The following SNUPN variants were observed in gnomAD, a reference collection of about 807,000 sequenced individuals.
SNUPN encodes snurportin 1, also known as snurportin-1.
A neutral mutation model predicts 39.2 loss-of-function variants in SNUPN; 31 were observed. The observed-to-expected ratio is 0.79, with a 90% CI of 0.59 to 1.07. The LOEUF (loss-of-function observed/expected upper bound fraction) is 1.07, where lower values mean the gene tolerates loss of function less well. SNUPN is among the 50% of genes least tolerant of loss of function. The pLI is 0.00. For missense variants in SNUPN, 382 were observed against 434.2 expected (o/e 0.88, Z 1.07); for synonymous variants, 132 against 159.0 (o/e 0.83, Z 1.28).
chr15:75,616,853 C>T (rs1191888540), intron 3 of SNUPN, among the ~76,000 whole-genome samples: 1 of 152,206 alleles, frequency 6.6e-6, no homozygotes, highest in Non-Finnish European at 1.5e-5. Flanking sequence ...TGCTTCATGG[C>T]CTGAACCTCA....
Position 75,598,320 on chromosome 15 carries a change from AG to A in SNUPN, c.*37del, listed in dbSNP as rs776684425. The A allele has an allele frequency of 6.5e-7, 1 of 1,537,868 alleles. No homozygotes were observed. Among genetic ancestry groups the A allele is most frequent in the Non-Finnish European group, 8.9e-7 (1 of 1,127,798 alleles). ...CCTCTCCAGGATTCCTTTTGGGGCC[AG>A]GTACCATCCTGTGGCTCCTTAAGGA... On this transcript the variant is annotated 3_prime_UTR_variant, in exon 9 of 9. Coordinates refer to ENST00000308588, the MANE Select transcript of SNUPN (RefSeq NM_005701.4).
intron 6 of SNUPN, among the ~76,000 whole-genome samples, chr15:75,606,030 A>G (rs1009041878): frequency 1.3e-5 from 2 of 152,230 alleles, no homozygotes; most frequent in South Asian, 4.1e-4. Flanking sequence ...CTGTAATCCC[A>G]GCTACTCAGA....
At chr15:75,608,286 G>A (rs773921832) in intron 5 of SNUPN, among the ~76,000 whole-genome samples, 3 of 152,158 alleles carry the variant, frequency 2.0e-5, no homozygotes, top group Non-Finnish European at 4.4e-5. Flanking sequence ...AGGAAATTGA[G>A]GTGGGAGGAT....
At chr15:75,624,054 A>G (rs997262040) in intron 1 of SNUPN, among the ~76,000 whole-genome samples, 4 of 146,738 alleles carry the variant, frequency 2.7e-5, no homozygotes, top group African/African-American at 1.0e-4. Context: ...CAGCCTCCCA[A>G]GTAGCTGGGA....
intron 1 of SNUPN, 128 bp from the exon 2 acceptor site, chr15:75,621,184 G>A: frequency 2.5e-6 from 2 of 788,638 alleles, no homozygotes; most frequent in Non-Finnish European, 4.0e-6. Context: ...AATCACAAGT[G>A]TTTCCATGAG....
intron 6 of SNUPN, chr15:75,605,491 G>A: frequency 3.3e-6 from 1 of 300,168 alleles, no homozygotes; most frequent in South Asian, 3.3e-5. Context: ...GGTAGAGACA[G>A]GGTTTCACCA....
chr15:75,620,092 T>G (rs1893031550), intron 2 of SNUPN, among the ~76,000 whole-genome samples: 1 of 152,130 alleles, frequency 6.6e-6, no homozygotes, highest in Admixed American at 6.6e-5. Flanking sequence ...ATGTATTACC[T>G]ATTCAAAGAT....
intron 8 of SNUPN, 30 bp downstream of exon 8, chr15:75,601,108 T>G (rs1470500692): frequency 6.8e-7 from 1 of 1,472,568 alleles, no homozygotes; most frequent in African/African-American, 1.4e-5. Flanking sequence ...TATCATCATG[T>G]CAAGGCAATA....
Position 75,620,928 on chromosome 15 carries a change from C to T in SNUPN, c.124G>A (p.Glu42Lys). 1.2e-6 allele frequency: 2 copies of T among 1,613,930 alleles called. No individual in the cohort carries two copies. Among genetic ancestry groups the T allele is most frequent in the Non-Finnish European group, 1.7e-6 (2 of 1,179,976 alleles). Residue 42 changes from glutamate (E) to lysine (K), a missense_variant, in exon 2 of 9, where the codon GAG (glutamate) becomes AAG (lysine). Physicochemically the swap from Glu to Lys is moderately conservative, Grantham distance 56 (BLOSUM62 1). Coordinates refer to ENST00000308588, the MANE Select transcript of SNUPN (RefSeq NM_005701.4). ...AGTTCCAGTAACCTCCGGCGGCGCTCACTCTGCTCCAAGGAACTGTACTTG... is the reference window on the plus strand; with the variant it reads ...AGTTCCAGTAACCTCCGGCGGCGCTTACTCTGCTCCAAGGAACTGTACTTG... ...KSKYSSLEQS[E>K]RRRRLLELQK...
intron 3 of SNUPN, among the ~76,000 whole-genome samples, chr15:75,614,822 G>C (rs1014710610): frequency 3.9e-5 from 6 of 152,088 alleles, no homozygotes; most frequent in African/African-American, 1.4e-4. Context: ...AATACTTGTG[G>C]GGCACTTCCA....
chr15:75,608,131 A>G (rs1295709277), intron 5 of SNUPN, among the ~76,000 whole-genome samples: 1 of 152,200 alleles, frequency 6.6e-6, no homozygotes, highest in Non-Finnish European at 1.5e-5. Context: ...CTATACTCCC[A>G]GCACTTTGGG....
Position 75,601,159 on chromosome 15 carries a change from T to C in SNUPN, c.738A>G (p.Leu246=), listed in dbSNP as rs540918150. 2.4e-4 allele frequency: 388 copies of C among 1,613,602 alleles called. 6 individuals are homozygous for C. In the South Asian group the frequency reaches 3.8e-3, roughly 16 times the overall value. Residue 246 remains leucine (L), a synonymous_variant, in exon 8 of 9, where the codon CTA becomes CTG. Transcript: ENST00000308588. ...TTACCTCAAAAGGGAAATCCATAGA[T>C]AGCACATCACACAGGCTTTCGGGAG... ...PCTPESLCDV[L]SMDFPFEVDG...
intron 4 of SNUPN, 31 bp downstream of exon 4, chr15:75,609,859 C>A: frequency 1.3e-6 from 2 of 1,536,400 alleles, no homozygotes; most frequent in Admixed American, 1.7e-5. Flanking sequence ...CAGACCAGGC[C>A]TACTGGCATA....
Position 75,607,305 on chromosome 15 carries a change from T to C in SNUPN, c.511A>G (p.Ile171Val), listed in dbSNP as rs1567552078. The C allele has an allele frequency of 6.2e-7, 1 of 1,609,192 alleles. No homozygotes were observed. The highest frequency in any genetic ancestry group is 2.2e-5 in the East Asian group (1 of 44,846). The change falls in exon 6 of 9, where the codon ATT becomes GTT. Residue 171 changes from isoleucine to valine, a missense_variant. Physicochemically the swap from Ile to Val is conservative, Grantham distance 29. Coordinates refer to ENST00000308588, the MANE Select transcript of SNUPN (RefSeq NM_005701.4). ...ACCTCATTGTAAATGCAATCTAGAATGGTGTAGTCTGAGGACACAAAGCAG... is the reference window on the plus strand; with the variant it reads ...ACCTCATTGTAAATGCAATCTAGAACGGTGTAGTCTGAGGACACAAAGCAG... ...RRNSTAKDYTILDCIYNEVNQ... is the reference protein window; with the variant it reads ...RRNSTAKDYTVLDCIYNEVNQ...
chr15:75,625,987 C>A (rs1219133899), upstream of SNUPN: 1 of 152,348 alleles, frequency 6.6e-6, no homozygotes, highest in African/African-American at 2.4e-5. Context: ...TGAACACAAG[C>A]TCTTCGGGGC....
At chr15:75,603,122 A>C (rs1469607571) in intron 7 of SNUPN, among the ~76,000 whole-genome samples, 2 of 149,102 alleles carry the variant, frequency 1.3e-5, no homozygotes, top group Non-Finnish European at 3.0e-5. Context: ...GATCTCGGCT[A>C]ACTGCAAGCT....
chr15:75,613,114 C>T (rs1465194398), intron 3 of SNUPN, among the ~76,000 whole-genome samples: 1 of 151,836 alleles, frequency 6.6e-6, no homozygotes, highest in Non-Finnish European at 1.5e-5. Flanking sequence ...AAAAAATTAG[C>T]CGGGCGCGGT....
intron 8 of SNUPN, among the ~76,000 whole-genome samples, chr15:75,600,280 G>GTT (rs1312224462): frequency 5.0e-5 from 7 of 140,812 alleles, no homozygotes; most frequent in African/African-American, 5.2e-5. Flanking sequence ...TTTGTTTTTT[G>GTT]TTTTTTTTTT....
upstream of SNUPN, chr15:75,626,453 A>T (rs1893228979): frequency 6.6e-6 from 1 of 152,252 alleles, no homozygotes; most frequent in African/African-American, 2.4e-5. Context: ...GCCAGGGTGT[A>T]GCCTCTGCAG....
Sources: allele counts gnomAD v4.1 joint callset (sites outside exome capture counted in the v4.1 genomes callset), GRCh38; gene constraint gnomAD v4.1.1; transcripts MANE v1.5; gene names NCBI Gene and HGNC (gene_info 2026-07-23, HGNC 2026-07-21).